PSD3: variants seen among roughly 807,000 people sequenced by gnomAD.
PSD3 encodes the protein pleckstrin and Sec7 domain containing 3, also known as PH and SEC7 domain-containing protein 3.
PSD3 carries 49 observed loss-of-function variants against 105.5 expected under a neutral mutation model. The observed-to-expected ratio is 0.46, with a 90% confidence interval of 0.37 to 0.59. The LOEUF (loss-of-function observed/expected upper bound fraction) is 0.59, where lower values mean the gene tolerates loss of function less well. PSD3 is among the 20% of genes least tolerant of loss of function. PSD3 has a pLI of 0.00. For missense variants in PSD3, 1,561 were observed against 1,263.8 expected, an observed-to-expected ratio of 1.24 and a Z score of -3.57; for synonymous variants, 557 against 457.8, an observed-to-expected ratio of 1.22 and a Z score of -2.77.
At chr8:19,039,135 TC>T (rs967614091) in intron 1 of PSD3, among the ~76,000 whole-genome samples, 1 of 152,192 alleles carries the variant, frequency 6.6e-6, no homozygotes, top group Non-Finnish European at 1.5e-5. Flanking sequence ...GGACCTTTTT[TC>T]CCTTGGCTTT....
intron 10 of PSD3, among the ~76,000 whole-genome samples, chr8:18,648,902 C>A (rs1308491833): frequency 2.0e-5 from 3 of 152,258 alleles, no homozygotes; most frequent in Non-Finnish European, 4.4e-5. Context: ...GTGGCTTCCA[C>A]ATGGCGTTAA....
intron 9 of PSD3, chr8:18,721,105 T>G (rs570383826): frequency 6.6e-6 from 1 of 152,218 alleles, no homozygotes; most frequent in South Asian, 2.1e-4. Flanking sequence ...GCAAAGGCCC[T>G]TCTCACCCGA....
chr8:18,573,958 A>G lies in PSD3; in HGVS notation c.2639+1170T>C, dbSNP rs113609614. Among the ~76,000 whole-genome samples the G allele has an allele frequency of 7.9e-3, 1,203 of 152,300 alleles. 21 individuals carry two copies. The highest frequency in any genetic ancestry group is 0.028 in the African/African-American group (1,159 of 41,568). On this transcript the variant is annotated intron_variant, in intron 13 of 15. Coordinates refer to ENST00000327040, the MANE Select transcript of PSD3 (RefSeq NM_015310.4). ...TTTATGGTACGTAAAGCATACCTCA[A>G]TAAGACTATTTAGAAAACCCACCTG...
At chr8:18,716,681 G>A (rs1802620083) in intron 9 of PSD3, among the ~76,000 whole-genome samples, 3 of 152,128 alleles carry the variant, frequency 2.0e-5, no homozygotes, top group Admixed American at 2.0e-4. Context: ...TTTAAGCAGA[G>A]GAATAACATG....
chr8:18,966,490 G>C (rs1042044688), intron 1 of PSD3, among the ~76,000 whole-genome samples: 1 of 151,148 alleles, frequency 6.6e-6, no homozygotes, highest in Non-Finnish European at 1.5e-5. Context: ...AGAATTACTT[G>C]AACCTGGGAG....
At chr8:19,084,290 C>G (rs909545125) in exon 1 of PSD3, 2 of 456,258 alleles carry the variant, frequency 4.4e-6, no homozygotes, top group Admixed American at 2.3e-5. Flanking sequence ...ATGCCCTTGT[C>G]GCCTGCGCTG....
intron 14 of PSD3, among the ~76,000 whole-genome samples, chr8:18,561,083 C>A (rs1344719128): frequency 6.6e-6 from 1 of 152,192 alleles, no homozygotes; most frequent in African/African-American, 2.4e-5. Context: ...AATCCCACTT[C>A]TGAGTATGTA....
chr8:18,721,750 G>A (rs544369304), intron 9 of PSD3, among the ~76,000 whole-genome samples: 14 of 152,194 alleles, frequency 9.2e-5, no homozygotes, highest in South Asian at 8.3e-4. Flanking sequence ...TTACTAAATC[G>A]TTCCCTAAAG....
intron 12 of PSD3, among the ~76,000 whole-genome samples, chr8:18,578,187 C>T (rs1037243420): frequency 2.6e-5 from 4 of 152,008 alleles, no homozygotes; most frequent in Non-Finnish European, 2.9e-5. Flanking sequence ...TCTTAGGATT[C>T]AGGATTTTTT....
chr8:18,957,997 T>C (rs990544664), intron 1 of PSD3, among the ~76,000 whole-genome samples: 1 of 152,200 alleles, frequency 6.6e-6, no homozygotes, highest in Non-Finnish European at 1.5e-5. Flanking sequence ...TTGAAACACA[T>C]ATGCCCTTTT....
upstream of PSD3, among the ~76,000 whole-genome samples, chr8:19,013,892 G>T (rs1827081287): frequency 6.7e-6 from 1 of 150,294 alleles, no homozygotes; most frequent in Admixed American, 6.6e-5. Flanking sequence ...GGAGGTGGCT[G>T]GGCCTCCGAG....
At chr8:18,536,128 T>C (rs562770019) in intron 15 of PSD3, among the ~76,000 whole-genome samples, 170 bp from the exon 16 acceptor site, 1 of 152,246 alleles carries the variant, frequency 6.6e-6, no homozygotes. Flanking sequence ...GAGAGGCAAC[T>C]ACAGAGACTG....
chr8:18,726,099 A>G (rs904957709), intron 9 of PSD3, among the ~76,000 whole-genome samples: 2 of 152,194 alleles, frequency 1.3e-5, no homozygotes, highest in Non-Finnish European at 2.9e-5. Context: ...AGACAAACAC[A>G]AGAGGAGAAG....
intron 14 of PSD3, among the ~76,000 whole-genome samples, chr8:18,558,978 C>G (rs1801238933): frequency 6.6e-6 from 1 of 152,060 alleles, no homozygotes; most frequent in South Asian, 2.1e-4. Context: ...TTAAACATTG[C>G]ATAGTACCCC....
intron 12 of PSD3, among the ~76,000 whole-genome samples, chr8:18,593,997 A>T (rs1296994216): frequency 8.7e-6 from 1 of 114,986 alleles, no homozygotes; most frequent in Non-Finnish European, 1.7e-5. Flanking sequence ...GGGGGGAGGG[A>T]TAGCATTAAG....
rs541672456 is a variant in PSD3, at chr8:18,954,132, G to A, written c.22-17990C>T. Among the ~76,000 whole-genome samples, 7 of 152,014 alleles carry A rather than the reference G, an allele frequency of 4.6e-5. No homozygotes were observed. In the East Asian group the frequency reaches 1.4e-3, roughly 30 times the overall value. On this transcript the variant is annotated intron_variant, in intron 1 of 15. Transcript: ENST00000327040. ...TGTGGCTACATCCCCATCATAAGTT[G>A]AAAAATATCTTAAGTCGAACCATCT...
At chr8:18,709,548 C>T (rs1205008805) in intron 9 of PSD3, among the ~76,000 whole-genome samples, 1 of 152,182 alleles carries the variant, frequency 6.6e-6, no homozygotes, top group East Asian at 1.9e-4. Flanking sequence ...CTAGGTGAAA[C>T]CTCCCAACAG....
intron 9 of PSD3, among the ~76,000 whole-genome samples, chr8:18,759,339 G>C (rs967437516): frequency 1.3e-5 from 2 of 152,052 alleles, no homozygotes; most frequent in Non-Finnish European, 2.9e-5. Flanking sequence ...CAGTGACACT[G>C]TCTTCTAACT....
At chr8:18,794,809 C>G (rs1810035447) in intron 8 of PSD3, among the ~76,000 whole-genome samples, 2 of 18,280 alleles carry the variant, frequency 1.1e-4, no homozygotes, top group African/African-American at 2.3e-4. Flanking sequence ...CCCCGGGTCC[C>G]CTTATTTCTT....
Sources: gnomAD v4.1 joint callset for allele counts (sites outside exome capture counted in the v4.1 genomes callset) on GRCh38, gnomAD v4.1.1 for gene constraint, MANE v1.5 for transcripts, NCBI Gene and HGNC (gene_info 2026-07-23, HGNC 2026-07-21) for gene names.